ATRN: variants seen among roughly 807,000 people sequenced by gnomAD.
ATRN encodes attractin-2.
ATRN carries 54 observed loss-of-function variants against 178.7 expected under a neutral mutation model. The observed-to-expected ratio is 0.30, with a 90% confidence interval of 0.24 to 0.38. The LOEUF is 0.38. ATRN is among the 10% of genes least tolerant of loss of function. The pLI is 1.00. For synonymous variants in ATRN, 636 were observed against 663.0 expected (o/e 0.96, Z 0.63); for missense variants, 1,443 against 1,815.1 (o/e 0.79, Z 3.73).
chr20:3,512,107 A>ATATATATATATATATATATATATATATAT, intron 1 of ATRN, among the ~76,000 whole-genome samples: 1 of 106,398 alleles, frequency 9.4e-6, no homozygotes, highest in Non-Finnish European at 1.8e-5. Flanking sequence ...ATATATATAT[A>ATATATATATATATATATATATATATATAT]TTTTTTTTTT....
In ATRN at chr20:3,572,896, G is replaced by A. The variant is rs368288244; in HGVS notation, c.2037G>A (p.Ala679=). Reference sequence around the variant, plus strand: ...GGTCGTCTCAGTGTATCTCGTGGGCGCTGGCAACTGATGAACAAGAAGAAA... The same window carrying A: ...GGTCGTCTCAGTGTATCTCGTGGGCACTGGCAACTGATGAACAAGAAGAAA... The part of the protein sequence containing the change: ...NTGSSQCISW[A]LATDEQEEKL... Residue 679 remains alanine (A), a synonymous_variant, in exon 12 of 29, where the codon GCG becomes GCA. Transcript: ENST00000262919. The A allele has an allele frequency of 2.5e-5, 41 of 1,613,972 alleles. 2 individuals are homozygous for A. The highest frequency in any genetic ancestry group is 2.3e-4 in the South Asian group (21 of 91,046).
intron 14 of ATRN, among the ~76,000 whole-genome samples, chr20:3,578,003 C>A (rs1423443030): frequency 6.6e-6 from 1 of 152,130 alleles, no homozygotes; most frequent in Non-Finnish European, 1.5e-5. Context: ...TGTGTGGGTT[C>A]AGGATGATCA....
intron 25 of ATRN, 53 bp downstream of exon 25, chr20:3,624,625 C>T: frequency 7.5e-7 from 1 of 1,341,250 alleles, no homozygotes; most frequent in Non-Finnish European, 1.1e-6. Context: ...GCACTAGATC[C>T]ATTAATAGAG....
intron 1 of ATRN, among the ~76,000 whole-genome samples, chr20:3,531,602 G>T (rs763459048): frequency 3.9e-5 from 6 of 152,170 alleles, no homozygotes; most frequent in Admixed American, 3.9e-4. Context: ...AGAAATTTCC[G>T]TAAGGTTTTG....
chr20:3,607,848 G>A (rs2086696603), intron 24 of ATRN, among the ~76,000 whole-genome samples: 1 of 152,222 alleles, frequency 6.6e-6, no homozygotes, highest in East Asian at 1.9e-4. Context: ...CAGTGAACTA[G>A]TATCGTCTTT....
chr20:3,492,283 G>C (rs1332338892), intron 1 of ATRN, among the ~76,000 whole-genome samples: 2 of 151,834 alleles, frequency 1.3e-5, no homozygotes, highest in Non-Finnish European at 2.9e-5. Context: ...GAGTGTCTGG[G>C]GGACCATGAG....
chr20:3,607,095 G>A (rs954989735), intron 24 of ATRN, among the ~76,000 whole-genome samples: 2 of 151,962 alleles, frequency 1.3e-5, no homozygotes, highest in Non-Finnish European at 2.9e-5. Flanking sequence ...GTTTTTAAAT[G>A]TATTTTTAAT....
chr20:3,504,334 G>A (rs1444429104), intron 1 of ATRN, among the ~76,000 whole-genome samples: 1 of 151,934 alleles, frequency 6.6e-6, no homozygotes, highest in African/African-American at 2.4e-5. Flanking sequence ...GGAGCATTAG[G>A]AAGGAAGAAG....
intron 24 of ATRN, among the ~76,000 whole-genome samples, chr20:3,617,159 T>C (rs1301868850): frequency 6.6e-6 from 1 of 152,212 alleles, no homozygotes; most frequent in Non-Finnish European, 1.5e-5. Flanking sequence ...TGCTATGGGC[T>C]GGCTGAGGTT....
chr20:3,474,596 A>C (rs1331846836), intron 1 of ATRN, among the ~76,000 whole-genome samples: 1 of 151,720 alleles, frequency 6.6e-6, no homozygotes, highest in Non-Finnish European at 1.5e-5. Context: ...AGTCCCAGCT[A>C]CTCGGGAGGC....
intron 3 of ATRN, among the ~76,000 whole-genome samples, chr20:3,542,838 C>T (rs2085645278): frequency 6.7e-6 from 1 of 148,914 alleles, no homozygotes; most frequent in Admixed American, 6.7e-5. Context: ...GGGGTCTCAC[C>T]ATGTTGCCCG....
chr20:3,557,279 T>A (rs1555816157), intron 6 of ATRN, among the ~76,000 whole-genome samples: 1 of 152,154 alleles, frequency 6.6e-6, no homozygotes, highest in Non-Finnish European at 1.5e-5. Context: ...TGAGAATGAT[T>A]CAGAATTCTT....
intron 1 of ATRN, among the ~76,000 whole-genome samples, chr20:3,533,618 T>A (rs545127007): frequency 1.7e-4 from 26 of 152,228 alleles, no homozygotes; most frequent in African/African-American, 4.8e-4. Context: ...ATGTTGGGGA[T>A]GACAGAGCAA....
rs386393128 is a variant in ATRN at position 3,588,981 on chromosome 20, GTTTTTT to G, written c.3185-2174_3185-2169del. 2.0e-4 allele frequency among the ~76,000 whole-genome samples: 20 copies of G among 99,794 alleles called. 1 individual carries two copies. Among genetic ancestry groups the G allele is most frequent in the Non-Finnish European group, 3.3e-4 (18 of 54,308 alleles). 65.5% of individuals were successfully genotyped at this position (99,794 alleles called of 152,430 possible). A position where few individuals can be genotyped will look rare whatever the true frequency, so the allele number is the denominator to read the frequency against. The stretch of plus-strand genomic sequence containing the variant: ...CATACAGTTCGTAGTATTTTCTTTT[GTTTTTT>G]TTTTTTTTTTTTTGAGACAGAGTCT... On this transcript the variant is annotated intron_variant, in intron 18 of 28. Transcript: ENST00000262919.
At chr20:3,576,064 T>C in intron 13 of ATRN, 116 bp downstream of exon 13, 1 of 1,205,944 alleles carries the variant, frequency 8.3e-7, no homozygotes, top group Non-Finnish European at 1.1e-6. Flanking sequence ...GGGTTTCTAT[T>C]TGGATTTTAT....
chr20:3,644,318 C>T (rs369137242), intron 28 of ATRN, 50 bp downstream of exon 28: 1 of 1,446,832 alleles, frequency 6.9e-7, no homozygotes, highest in South Asian at 1.1e-5. Flanking sequence ...TGTGAGGGAG[C>T]TAAGCATGGG....
chr20:3,572,972 T>G, intron 12 of ATRN, 21 bp downstream of exon 12: 1 of 1,598,532 alleles, frequency 6.3e-7, no homozygotes, highest in Non-Finnish European at 8.6e-7. Flanking sequence ...TTTTCTCTAC[T>G]TAGATTTTAA....
intron 1 of ATRN, among the ~76,000 whole-genome samples, chr20:3,512,381 G>T (rs1213236835): frequency 1.3e-5 from 2 of 151,140 alleles, no homozygotes; most frequent in African/African-American, 4.9e-5. Flanking sequence ...CCTTGCGATA[G>T]TTTGCTGAGA....
intron 18 of ATRN, among the ~76,000 whole-genome samples, chr20:3,587,131 C>T (rs983714055): frequency 1.1e-4 from 16 of 151,914 alleles, no homozygotes; most frequent in African/African-American, 3.6e-4. Flanking sequence ...TTCTGAAGTC[C>T]CTTATTGGAT....
Sources: gnomAD v4.1 joint callset for allele counts (sites outside exome capture counted in the v4.1 genomes callset) on GRCh38, gnomAD v4.1.1 for gene constraint, MANE v1.5 for transcripts, NCBI Gene and HGNC (gene_info 2026-07-23, HGNC 2026-07-21) for gene names.